ACRBP: variants seen among roughly 807,000 people sequenced by gnomAD.
ACRBP encodes the protein acrosin binding protein.
In ACRBP, 52 loss-of-function variants were observed where a neutral mutation model predicts 69.0. The ratio of observed to expected loss-of-function variants is 0.75; its 90% CI spans 0.60 to 0.95. ACRBP has a LOEUF of 0.95. Among genes scored for constraint, ACRBP ranks in the 40% least tolerant of loss-of-function variants. The pLI is 0.00. For synonymous variants in ACRBP, 267 were observed against 258.9 expected, an observed-to-expected ratio of 1.03 and a Z score of -0.30; for missense variants, 604 against 673.0, an observed-to-expected ratio of 0.90 and a Z score of 1.13.
intron 5 of ACRBP, 157 bp downstream of exon 5, chr12:6,643,979 AC>A (rs894482500): frequency 5.7e-6 from 8 of 1,396,480 alleles, no homozygotes; most frequent in Non-Finnish European, 7.6e-6. Flanking sequence ...GCTTAAGCCA[AC>A]AATGGGCACA....
In ACRBP at chr12:6,646,634, T is replaced by C. The variant is rs1040757586; in HGVS notation, c.263-57A>G. 4.2e-5 allele frequency: 66 copies of C among 1,553,560 alleles called. No individual in the cohort carries two copies. The African/African-American group carries it at 8.4e-4, about 20-fold the overall frequency. ...CCGTGGGGAGCTTGGGGTGGGGCTG[T>C]GGGCAATGGACTCCACGCCATGGGG... On this transcript the variant is annotated intron_variant, in intron 2 of 9. Transcript: ENST00000229243.
In ACRBP at chr12:6,643,667, G is replaced by A. The variant is rs1057123504; in HGVS notation, c.949C>T (p.Leu317=). The A allele has an allele frequency of 1.9e-6, 3 of 1,613,978 alleles. No homozygotes were observed. In the Admixed American group the frequency reaches 5.0e-5, roughly 27 times the overall value. The change falls in exon 6 of 10, where the codon CTG becomes TTG. Residue 317 remains leucine (L), a synonymous_variant. Coordinates refer to ENST00000229243, the MANE Select transcript of ACRBP (RefSeq NM_032489.3). ...YWRNQNPGSL[L]QLPHTEALLV... The stretch of plus-strand genomic sequence containing the variant: ...AAGGCCTCTGTGTGGGGCAGCTGCA[G>A]GAGGCTGCAAGAAGACAGCACTGAG...
chr12:6,643,673 T>A lies in ACRBP; in HGVS notation c.945-2A>T. On this transcript the variant is annotated splice_acceptor_variant, in intron 5 of 9. Transcript: ENST00000229243. LOFTEE classifies it high-confidence loss of function. ...TCTGTGTGGGGCAGCTGCAGGAGGC[T>A]GCAAGAAGACAGCACTGAGGGTGGG... 6.2e-7 allele frequency: 1 copy of A among 1,613,768 alleles called. No homozygotes were observed. The highest frequency in any genetic ancestry group is 1.3e-5 in the African/African-American group (1 of 75,042).
chr12:6,646,688 G>T (rs969495776), intron 2 of ACRBP, 106 bp downstream of exon 2: 2 of 1,517,500 alleles, frequency 1.3e-6, no homozygotes, highest in Admixed American at 1.8e-5. Flanking sequence ...TCATGGTGTG[G>T]TGCCAGCCAT....
In ACRBP at chr12:6,640,198, G is replaced by C. The variant is rs143853195; in HGVS notation, c.1287C>G (p.Tyr429Ter). Reference sequence around the variant, plus strand: ...GGAGCCCACCGTACAAATCCAGCCCGTAAAAGCGGCCTGATTCTGGGGACC... The same window carrying C: ...GGAGCCCACCGTACAAATCCAGCCCCTAAAAGCGGCCTGATTCTGGGGACC... ...QVGSPESGRF[Y>*]GLDLYGGLHM... The change falls in exon 8 of 10, where the codon TAC (tyrosine) becomes TAG (stop). Residue 429 changes from tyrosine (Y) to a stop codon, truncating the protein, a stop_gained. Coordinates refer to ENST00000229243, the MANE Select transcript of ACRBP (RefSeq NM_032489.3). LOFTEE classifies it high-confidence loss of function. The surrounding 1 kb of genome is among the most constrained non-coding windows in gnomAD (Gnocchi z 5.3). The C allele has an allele frequency of 8.9e-5, 144 of 1,614,048 alleles. No individual in the cohort carries two copies. Among genetic ancestry groups the C allele is most frequent in the Non-Finnish European group, 2.3e-5 (27 of 1,180,046 alleles).
rs541152435 is a variant in ACRBP at position 6,639,693 on chromosome 12, C to G, written c.1425+367G>C. Among the ~76,000 whole-genome samples the G allele has an allele frequency of 2.0e-5, 3 of 152,328 alleles. No homozygotes were observed. In the East Asian group the frequency reaches 5.8e-4, roughly 29 times the overall value. On this transcript the variant is annotated intron_variant, in intron 8 of 9. Transcript: ENST00000229243. ...GCCCGTCAGGCTAAGGCCGGGAAGT[C>G]CTGGATCACAGGGTTGGGCAGTGGT...
At chr12:6,645,162 TG>T in intron 4 of ACRBP, 57 bp downstream of exon 4, 1 of 1,359,342 alleles carries the variant, frequency 7.4e-7, no homozygotes, top group Non-Finnish European at 1.0e-6. Context: ...CCTTACGTTG[TG>T]GGCTCTGGGA....
intron 8 of ACRBP, 27 bp from the exon 9 acceptor site, chr12:6,639,064 G>C (rs1310667212): frequency 6.3e-7 from 1 of 1,597,362 alleles, no homozygotes; most frequent in Non-Finnish European, 8.6e-7. Context: ...AGAGAGGGAA[G>C]AGGGTATCAG....
chr12:6,639,063 A>T, intron 8 of ACRBP, 26 bp from the exon 9 acceptor site: 2 of 1,597,472 alleles, frequency 1.3e-6, no homozygotes, highest in African/African-American at 2.7e-5. Context: ...GAGAGAGGGA[A>T]GAGGGTATCA....
At chr12:6,638,550 G>A in intron 9 of ACRBP, 146 bp from the exon 10 acceptor site, 1 of 1,298,828 alleles carries the variant, frequency 7.7e-7, no homozygotes, top group Non-Finnish European at 1.1e-6. Flanking sequence ...ACTCAAATGT[G>A]GGTTTTTAAA....
rs1949090556 is a variant in ACRBP at position 6,646,534 on chromosome 12, A to G, written c.306T>C (p.Ser102=). 3 of 1,614,128 alleles carry G rather than the reference A, an allele frequency of 1.9e-6. No homozygotes were observed. Among genetic ancestry groups the G allele is most frequent in the Non-Finnish European group, 1.7e-6 (2 of 1,180,016 alleles). ...AACGGTAGTGAGTGAACTGGCAGAA[A>G]GACTCAAACCAGGAGGCATAAGGGA... ...SNLPYASWFE[S]FCQFTHYRCS... is the part of the protein sequence containing the mutation. The change falls in exon 3 of 10, where the codon TCT becomes TCC. Residue 102 remains serine (S), a synonymous_variant. Coordinates refer to ENST00000229243, the MANE Select transcript of ACRBP (RefSeq NM_032489.3).
At position 6,640,425 on chromosome 12, in the gene ACRBP, T is replaced by C. The variant is rs200586817; in HGVS notation, c.1175A>G (p.Gln392Arg). ...GTGGGAGGTGTCGCATTGTTGCCGC[T>C]GCAGGCTGGCCTCTGAGTGGCACTG... The part of the protein sequence containing the change: ...LEQCHSEASL[Q>R]RQQCDTSHKT... The change falls in exon 7 of 10, where the codon CAG becomes CGG. Residue 392 changes from glutamine to arginine, a missense_variant. Gln to Arg is a conservative substitution (Grantham distance 43). This residue lies in a region of ACRBP where 532 missense variants were observed against 562.9 expected (regional missense o/e 0.95). Transcript: ENST00000229243. The surrounding 1 kb of genome is among the most constrained non-coding windows in gnomAD (Gnocchi z 5.3). 4 of 1,614,188 alleles carry C rather than the reference T, an allele frequency of 2.5e-6. No individual in the cohort carries two copies. Among genetic ancestry groups the C allele is most frequent in the East Asian group, 4.5e-5 (2 of 44,882 alleles).
chr12:6,647,141 A>T (rs757999073), intron 1 of ACRBP, 129 bp from the exon 2 acceptor site: 84 of 1,100,930 alleles, frequency 7.6e-5, no homozygotes, highest in Non-Finnish European at 1.1e-4. Context: ...GGGCGGGGGG[A>T]GTCTAGAGAC....
chr12:6,638,533 G>T, intron 9 of ACRBP, 129 bp from the exon 10 acceptor site: 2 of 1,360,896 alleles, frequency 1.5e-6, no homozygotes, highest in Non-Finnish European at 2.0e-6. Flanking sequence ...GTAGAGGGAA[G>T]GAGGAAACTC....
chr12:6,640,370 G>A lies in ACRBP; in HGVS notation c.1230C>T (p.Ala410=), dbSNP rs1949044181. The change falls in exon 7 of 10, where the codon GCC becomes GCT. Residue 410 remains alanine (A), a synonymous_variant. Coordinates refer to ENST00000229243, the MANE Select transcript of ACRBP (RefSeq NM_032489.3). This position sits in a 1 kb window ranked among gnomAD's most constrained non-coding sequence, Gnocchi z 5.3. ...GGTTGCCGATGGACAGGCTCTGGGA[G>A]GCAAGCAAGGGGCTGACAAAGGGAG... The part of the protein sequence containing the change: ...HKTPFVSPLL[A]SQSLSIGNQV... 1 of 1,614,066 alleles carries A rather than the reference G, an allele frequency of 6.2e-7. No homozygotes were observed. The highest frequency in any genetic ancestry group is 8.5e-7 in the Non-Finnish European group (1 of 1,180,042).
intron 9 of ACRBP, 141 bp downstream of exon 9, chr12:6,638,813 T>G: frequency 6.7e-7 from 1 of 1,502,828 alleles, no homozygotes; most frequent in Non-Finnish European, 8.9e-7. Context: ...AGCCTGCTGG[T>G]GGAGGCCTCT....
chr12:6,640,216 T>C lies in ACRBP; in HGVS notation c.1269A>G (p.Pro423=). ...SLSIGNQVGS[P]ESGRFYGLDL... ...CCAGCCCGTAAAAGCGGCCTGATTC[T>C]GGGGACCCTACCTGTGGCACAGGAG... Residue 423 remains proline (P), a synonymous_variant, in exon 8 of 10, where the codon CCA becomes CCG. Coordinates refer to ENST00000229243, the MANE Select transcript of ACRBP (RefSeq NM_032489.3). The surrounding 1 kb of genome is among the most constrained non-coding windows in gnomAD (Gnocchi z 5.3). 6.2e-7 allele frequency: 1 copy of C among 1,614,160 alleles called. No individual in the cohort carries two copies. Among genetic ancestry groups the C allele is most frequent in the Non-Finnish European group, 8.5e-7 (1 of 1,180,028 alleles).
intron 8 of ACRBP, 24 bp from the exon 9 acceptor site, chr12:6,639,061 G>A (rs906182261): frequency 4.4e-6 from 7 of 1,603,114 alleles, no homozygotes; most frequent in African/African-American, 1.3e-5. Flanking sequence ...CAGAGAGAGG[G>A]AAGAGGGTAT....
intron 5 of ACRBP, 32 bp downstream of exon 5, chr12:6,644,105 A>AG (rs750071313): frequency 6.5e-7 from 1 of 1,538,456 alleles, no homozygotes; most frequent in East Asian, 2.3e-5. Context: ...AAGGGAGGGC[A>AG]GGGTGGATGA....
Sources: allele counts gnomAD v4.1 joint callset (sites outside exome capture counted in the v4.1 genomes callset), GRCh38; gene constraint gnomAD v4.1.1; regional missense constraint gnomAD v4.1.1; non-coding constraint Gnocchi (gnomAD v3.1); transcripts MANE v1.5; gene names NCBI Gene and HGNC (gene_info 2026-07-23, HGNC 2026-07-21).